Variants in PACS2 observed in about 807,000 individuals in gnomAD.
PACS2 encodes PACS1-like protein.
A neutral mutation model predicts 113.0 loss-of-function variants in PACS2; 36 were observed. The ratio of observed to expected loss-of-function variants is 0.32; its 90% CI spans 0.24 to 0.42. The LOEUF (loss-of-function observed/expected upper bound fraction) is 0.42, where lower values mean the gene tolerates loss of function less well. Among genes scored for constraint, PACS2 ranks in the 10% least tolerant of loss-of-function variants. The pLI, the probability that PACS2 is intolerant of heterozygous loss-of-function variation, is 1.00. For missense variants in PACS2, 1,015 were observed against 1,239.5 expected, an observed-to-expected ratio of 0.82 and a Z score of 2.72; for synonymous variants, 589 against 536.1, an observed-to-expected ratio of 1.10 and a Z score of -1.36.
intron 3 of PACS2, among the ~76,000 whole-genome samples, chr14:105,353,945 C>G (rs1379201734): frequency 6.6e-6 from 1 of 151,484 alleles, no homozygotes; most frequent in Non-Finnish European, 1.5e-5. Flanking sequence ...GGTGTGGTGG[C>G]TCATGCCTGT....
chr14:105,325,235 G>C (rs1253372129), intron 1 of PACS2, among the ~76,000 whole-genome samples: 1 of 151,372 alleles, frequency 6.6e-6, no homozygotes, highest in South Asian at 2.1e-4. Context: ...GGGTGGGGCT[G>C]GGGGAGGGTT....
intron 1 of PACS2, among the ~76,000 whole-genome samples, chr14:105,332,376 C>A (rs750377597): frequency 2.0e-5 from 3 of 152,228 alleles, no homozygotes; most frequent in Non-Finnish European, 2.9e-5. Flanking sequence ...GGGGTTTTGC[C>A]TGGTGCCCGT....
intron 1 of PACS2, among the ~76,000 whole-genome samples, chr14:105,347,313 G>A (rs898320445): frequency 7.2e-5 from 11 of 151,980 alleles, no homozygotes; most frequent in Admixed American, 3.3e-4. Context: ...CAGTGCTCCC[G>A]TTGCCTGGGG....
rs1555412143 is a variant in PACS2, at chr14:105,381,946, G to A, written c.1301G>A (p.Arg434Gln). The change falls in exon 13 of 25, where the codon CGG becomes CAG. Residue 434 changes from arginine to glutamine, a missense_variant. Coordinates refer to ENST00000447393, the MANE Select transcript of PACS2 (RefSeq NM_001100913.3). Reference sequence around the variant, plus strand: ...GGGAAGCAGGCTGGCCGACGGGGCCGGAGCACATCCTTGAAGGAGCGGCAG... The same window carrying A: ...GGGAAGCAGGCTGGCCGACGGGGCCAGAGCACATCCTTGAAGGAGCGGCAG... The part of the protein sequence containing the change: ...SEGKQAGRRG[R>Q]STSLKERQAA... 2 of 1,550,880 alleles carry A rather than the reference G, an allele frequency of 1.3e-6. No individual in the cohort carries two copies. The highest frequency in any genetic ancestry group is 2.0e-5 in the Admixed American group (1 of 51,046).
At chr14:105,388,345 C>T (rs2081248230) in intron 19 of PACS2, among the ~76,000 whole-genome samples, 1 of 152,234 alleles carries the variant, frequency 6.6e-6, no homozygotes, top group South Asian at 2.1e-4. Flanking sequence ...TGGGAGTGTG[C>T]TCTGGACCGG....
At position 105,348,113 on chromosome 14, in the gene PACS2, G is replaced by C. The variant is rs2141002516; in HGVS notation, c.120-380G>C. On this transcript the variant is annotated intron_variant, in intron 1 of 24. Transcript: ENST00000447393. The surrounding 1 kb of genome is among the most constrained non-coding windows in gnomAD (Gnocchi z 6.4). Reference sequence around the variant, plus strand: ...TGGGGCTGGATAGGGCCGCGGGAGAGGGGAGGCCTGTGCTCTCACAGCTGG... The same window carrying C: ...TGGGGCTGGATAGGGCCGCGGGAGACGGGAGGCCTGTGCTCTCACAGCTGG... 6.6e-6 allele frequency among the ~76,000 whole-genome samples: 1 copy of C among 152,206 alleles called. No homozygotes were observed. Among genetic ancestry groups the C allele is most frequent in the East Asian group, 1.9e-4 (1 of 5,158 alleles).
chr14:105,352,219 C>G (rs1399148357), intron 2 of PACS2, among the ~76,000 whole-genome samples, 159 bp from the exon 3 acceptor site: 2 of 152,122 alleles, frequency 1.3e-5, no homozygotes, highest in Non-Finnish European at 2.9e-5. Context: ...GGGAAAGATG[C>G]CAGGGCACCT....
In PACS2 at chr14:105,329,619, G is replaced by T. The variant is rs1450184458; in HGVS notation, c.119+14582G>T. Among the ~76,000 whole-genome samples the T allele has an allele frequency of 6.6e-6, 1 of 152,196 alleles. No homozygotes were observed. The highest frequency in any genetic ancestry group is 1.5e-5 in the Non-Finnish European group (1 of 68,030). ...CAGCCAAGTGGCGGGCACCTTCTGGGCTTGGGGGCGGGGCTTCTCACGATG... is the reference window on the plus strand; with the variant it reads ...CAGCCAAGTGGCGGGCACCTTCTGGTCTTGGGGGCGGGGCTTCTCACGATG... On this transcript the variant is annotated intron_variant, in intron 1 of 24. Transcript: ENST00000447393. The surrounding 1 kb of genome is among the most constrained non-coding windows in gnomAD (Gnocchi z 6.4).
rs2060931089 is a variant in PACS2, at chr14:105,366,028, C to T, written c.424-1185C>T. On this transcript the variant is annotated intron_variant, in intron 4 of 24. Coordinates refer to ENST00000447393, the MANE Select transcript of PACS2 (RefSeq NM_001100913.3). This position sits in a 1 kb window ranked among gnomAD's most constrained non-coding sequence, Gnocchi z 4.3. The stretch of plus-strand genomic sequence containing the variant: ...TTACCTTGATTAATTGAAGAATTAG[C>T]AGCCCAAATCAGGACCCCACAATCA... Among the ~76,000 whole-genome samples the T allele has an allele frequency of 6.6e-6, 1 of 152,232 alleles. No individual in the cohort carries two copies. The highest frequency in any genetic ancestry group is 2.4e-5 in the African/African-American group (1 of 41,458).
At chr14:105,393,970 G>A (rs1342787051) in intron 24 of PACS2, among the ~76,000 whole-genome samples, 3 of 150,902 alleles carry the variant, frequency 2.0e-5, no homozygotes, top group Non-Finnish European at 4.4e-5. Flanking sequence ...CCCGGGTGGC[G>A]GAGCTTGCAG....
intron 1 of PACS2, among the ~76,000 whole-genome samples, chr14:105,304,182 C>T (rs894549012): frequency 3.2e-4 from 49 of 152,120 alleles, no homozygotes; most frequent in African/African-American, 8.2e-4. Flanking sequence ...ACACCCACAA[C>T]GGTAAGAGGT....
Position 105,348,562 on chromosome 14 carries a change from G to A in PACS2, c.189G>A (p.Val63=). The A allele has an allele frequency of 1.9e-6, 3 of 1,611,758 alleles. No individual in the cohort carries two copies. Among genetic ancestry groups the A allele is most frequent in the South Asian group, 1.1e-5 (1 of 91,056 alleles). The part of the protein sequence containing the change: ...KELEKELISV[V]IAVKMQGSKR... ...TGGAGAAGGAGCTGATCTCCGTGGT[G>A]ATCGCTGTCAAGATGCAGGTGAGGC... The change falls in exon 2 of 25, where the codon GTG becomes GTA. Residue 63 remains valine (V), a synonymous_variant. Transcript: ENST00000447393. The surrounding 1 kb of genome is among the most constrained non-coding windows in gnomAD (Gnocchi z 6.4).
chr14:105,326,088 C>A (rs1027716874), intron 1 of PACS2, among the ~76,000 whole-genome samples: 1 of 152,250 alleles, frequency 6.6e-6, no homozygotes, highest in Non-Finnish European at 1.5e-5. Flanking sequence ...GCCAGGACTT[C>A]CCTCTTTTTA....
At chr14:105,370,863 G>A (rs1555409216) in intron 8 of PACS2, 1 of 152,240 alleles carries the variant, frequency 6.6e-6, no homozygotes, top group Non-Finnish European at 1.5e-5. Flanking sequence ...CCCAGCCTTT[G>A]TTGTTTCTTT....
chr14:105,320,281 T>G (rs2058839176), intron 1 of PACS2, among the ~76,000 whole-genome samples: 1 of 152,178 alleles, frequency 6.6e-6, no homozygotes, highest in Admixed American at 6.5e-5. Context: ...TGGCCGTAAA[T>G]TGATTTTCTA....
At chr14:105,390,184 G>A in intron 20 of PACS2, 181 bp downstream of exon 20, 3 of 676,584 alleles carry the variant, frequency 4.4e-6, no homozygotes, top group Admixed American at 4.2e-5. Flanking sequence ...GGAGTGGGGT[G>A]TGGGGCCAGA....
chr14:105,318,484 T>C (rs587660098), intron 1 of PACS2, among the ~76,000 whole-genome samples: 2 of 152,202 alleles, frequency 1.3e-5, no homozygotes, highest in African/African-American at 4.8e-5. Context: ...AGACAGAGTC[T>C]CACTCTGTCA....
intron 19 of PACS2, among the ~76,000 whole-genome samples, chr14:105,386,347 C>T (rs1408568848): frequency 2.6e-5 from 4 of 152,302 alleles, no homozygotes; most frequent in Admixed American, 6.5e-5. Flanking sequence ...AGGGCTCCCT[C>T]GAGCACCTGG....
chr14:105,391,118 C>T lies in PACS2; in HGVS notation c.2077-89C>T, dbSNP rs1315487612. 5.2e-6 allele frequency: 5 copies of T among 963,134 alleles called. No homozygotes were observed. The Admixed American group carries it at 6.9e-5, about 13-fold the overall frequency. 59.7% of individuals were successfully genotyped at this position (963,134 alleles called of 1,614,324 possible). A position where few individuals can be genotyped will look rare whatever the true frequency, so the allele number is the denominator to read the frequency against. ...CGCTCCAGCATCATGGGAGTGGTGG[C>T]CACGGTGGGGAGGCGGGAGCCCCAC... is the stretch of plus-strand genomic sequence containing the variant. On this transcript the variant is annotated intron_variant, in intron 20 of 24. Coordinates refer to ENST00000447393, the MANE Select transcript of PACS2 (RefSeq NM_001100913.3).
Sources: allele counts gnomAD v4.1 joint callset (sites outside exome capture counted in the v4.1 genomes callset), GRCh38; gene constraint gnomAD v4.1.1; non-coding constraint Gnocchi (gnomAD v3.1); transcripts MANE v1.5; gene names NCBI Gene and HGNC (gene_info 2026-07-23, HGNC 2026-07-21).